Variants in EAF2 observed in about 807,000 individuals in gnomAD.
EAF2 encodes ELL-associated factor 2.
Under a neutral mutation model 29.4 loss-of-function variants are expected in EAF2, and 29 were observed. That is an observed-to-expected ratio of 0.99 (90% CI 0.73 to 1.35). EAF2 has a LOEUF of 1.35. Ranked by LOEUF, EAF2 falls within the 40% of genes most tolerant of loss-of-function variation. The pLI is 0.00. For missense variants in EAF2, 292 were observed against 312.0 expected, an observed-to-expected ratio of 0.94 and a Z score of 0.48; for synonymous variants, 103 against 102.5, an observed-to-expected ratio of 1.00 and a Z score of -0.03.
intron 5 of EAF2, among the ~76,000 whole-genome samples, chr3:121,877,680 T>TA (rs1368252479): frequency 6.6e-6 from 1 of 151,830 alleles, no homozygotes; most frequent in African/African-American, 2.4e-5. Flanking sequence ...GTTATGAAGA[T>TA]AAAAAATAAT....
chr3:121,879,055 G>C lies in EAF2; in HGVS notation c.736+6267G>C, dbSNP rs367856677. ...TGTTATTTTTGTCTTTTCAATAATA[G>C]CCATTTTAACTGGGGTGAGATGATG... On this transcript the variant is annotated intron_variant, in intron 5 of 5. Transcript: ENST00000273668. Among the ~76,000 whole-genome samples, 304 of 151,332 alleles carry C rather than the reference G, an allele frequency of 2.0e-3. 3 individuals carry two copies. Among genetic ancestry groups the C allele is most frequent in the African/African-American group, 7.2e-3 (294 of 40,712 alleles).
chr3:121,870,060 C>T (rs534164330), intron 4 of EAF2, among the ~76,000 whole-genome samples: 18 of 150,104 alleles, frequency 1.2e-4, no homozygotes, highest in African/African-American at 4.5e-4. Context: ...AAAAAGCACC[C>T]ACCCCAAAAA....
chr3:121,871,565 C>T (rs1221958101), intron 4 of EAF2, among the ~76,000 whole-genome samples: 5 of 151,576 alleles, frequency 3.3e-5, no homozygotes, highest in Non-Finnish European at 4.4e-5. Context: ...ACAGCTAGTA[C>T]GAAGAACATA....
intron 5 of EAF2, among the ~76,000 whole-genome samples, chr3:121,874,389 T>C (rs2107542376): frequency 6.6e-6 from 1 of 151,906 alleles, no homozygotes; most frequent in South Asian, 2.1e-4. Flanking sequence ...ATTTTTTGAA[T>C]GGCCAAGAGA....
chr3:121,855,241 A>G (rs1708699373), intron 3 of EAF2, among the ~76,000 whole-genome samples: 1 of 152,226 alleles, frequency 6.6e-6, no homozygotes, highest in African/African-American at 2.4e-5. Flanking sequence ...TTATTCAGAT[A>G]AACAGACTAT....
chr3:121,853,408 TC>T (rs1708666540), intron 2 of EAF2, among the ~76,000 whole-genome samples: 1 of 152,172 alleles, frequency 6.6e-6, no homozygotes, highest in Non-Finnish European at 1.5e-5. Flanking sequence ...TCCTTTCTTC[TC>T]CACCCCTTTT....
intron 4 of EAF2, among the ~76,000 whole-genome samples, chr3:121,863,475 C>T (rs957087515): frequency 6.6e-6 from 1 of 152,210 alleles, no homozygotes; most frequent in South Asian, 2.1e-4. Flanking sequence ...GAATGAGGCT[C>T]CGTGGGCATG....
chr3:121,857,476 T>A (rs1313790244), intron 4 of EAF2, among the ~76,000 whole-genome samples: 13 of 146,346 alleles, frequency 8.9e-5, no homozygotes, highest in Middle Eastern at 7.1e-3. Context: ...TGGGTGACGG[T>A]GAGACTCCAT....
At position 121,854,831 on chromosome 3, in the gene EAF2, G is replaced by T. The variant is rs757844536; in HGVS notation, c.338+8G>T. ...CACTGTAAAAAAAACAAGGTATGTG[G>T]TTTAATGAAATAAATTATATTATAA... On this transcript the variant is annotated splice_region_variant and intron_variant, in intron 3 of 5. Transcript: ENST00000273668. 5.8e-6 allele frequency: 9 copies of T among 1,544,918 alleles called. No individual in the cohort carries two copies. In the South Asian group the frequency reaches 6.4e-5, roughly 11 times the overall value.
At chr3:121,871,107 A>G (rs182233477) in intron 4 of EAF2, among the ~76,000 whole-genome samples, 147 of 152,040 alleles carry the variant, frequency 9.7e-4, no homozygotes, top group Middle Eastern at 3.4e-3. Flanking sequence ...TAATAATATC[A>G]AAAACTGAAA....
intron 2 of EAF2, among the ~76,000 whole-genome samples, chr3:121,852,665 TC>T (rs1435512724): frequency 6.6e-6 from 1 of 152,194 alleles, no homozygotes; most frequent in Non-Finnish European, 1.5e-5. Context: ...CTTATACTCC[TC>T]CTAGTGCTCA....
intron 4 of EAF2, among the ~76,000 whole-genome samples, chr3:121,859,600 A>G (rs1301784212): frequency 1.3e-5 from 2 of 152,086 alleles, no homozygotes; most frequent in Non-Finnish European, 2.9e-5. Context: ...TAAATATACA[A>G]TCATGTCATC....
At chr3:121,882,158 GAGCAACATGATGAAA>G (rs763101123) in intron 5 of EAF2, among the ~76,000 whole-genome samples, 41 of 152,118 alleles carry the variant, frequency 2.7e-4, no homozygotes, top group South Asian at 6.2e-4. Flanking sequence ...AGACCAGCCT[GAGCAACATGATGAAA>G]CCCTGTCTCT....
rs151186324 is a variant in EAF2 at position 121,835,362 on chromosome 3, A to T, written c.77A>T (p.Gln26Leu). The T allele has an allele frequency of 6.2e-7, 1 of 1,614,078 alleles. No homozygotes were observed. The highest frequency in any genetic ancestry group is 1.1e-5 in the South Asian group (1 of 91,082). ...VLKLGESFEKQPRCAFHTVRY... is the reference protein window; with the variant it reads ...VLKLGESFEKLPRCAFHTVRY... Reference sequence around the variant, plus strand: ...AAGTTAGGGGAGAGTTTCGAGAAGCAGCCGCGCTGCGCCTTCCACACTGTG... The same window carrying T: ...AAGTTAGGGGAGAGTTTCGAGAAGCTGCCGCGCTGCGCCTTCCACACTGTG... The change falls in exon 1 of 6, where the codon CAG becomes CTG. Residue 26 changes from glutamine to leucine, a missense_variant. By Grantham distance (113) the Gln-to-Leu change is moderately radical. Transcript: ENST00000273668.
At chr3:121,837,073 A>C (rs1453574406) in intron 1 of EAF2, among the ~76,000 whole-genome samples, 1 of 152,204 alleles carries the variant, frequency 6.6e-6, no homozygotes, top group Admixed American at 6.5e-5. Context: ...CAAAACAACA[A>C]TAATGACAAT....
chr3:121,858,742 C>T (rs1021979766), intron 4 of EAF2, among the ~76,000 whole-genome samples: 1 of 152,180 alleles, frequency 6.6e-6, no homozygotes, highest in Non-Finnish European at 1.5e-5. Context: ...GAAGTCCTTG[C>T]CCATGCCTAT....
chr3:121,875,289 A>G (rs1182864735), intron 5 of EAF2, among the ~76,000 whole-genome samples: 4 of 151,868 alleles, frequency 2.6e-5, no homozygotes, highest in Non-Finnish European at 5.9e-5. Flanking sequence ...AGAAATAGAC[A>G]TTTACATATT....
At chr3:121,844,350 C>T (rs1045816078) in intron 1 of EAF2, 103 bp from the exon 2 acceptor site, 2 of 702,648 alleles carry the variant, frequency 2.8e-6, no homozygotes, top group East Asian at 3.0e-5. Flanking sequence ...ATTTTAATTA[C>T]AAAGCTCTTG....
chr3:121,878,090 T>C (rs1211301450), intron 5 of EAF2, among the ~76,000 whole-genome samples: 2 of 152,150 alleles, frequency 1.3e-5, no homozygotes, highest in Non-Finnish European at 2.9e-5. Flanking sequence ...GAAGTTAATG[T>C]AATAGATAAT....
Sources: allele counts gnomAD v4.1 joint callset (sites outside exome capture counted in the v4.1 genomes callset), GRCh38; gene constraint gnomAD v4.1.1; transcripts MANE v1.5; gene names NCBI Gene and HGNC (gene_info 2026-07-23, HGNC 2026-07-21).